Variants in APPBP2 observed in about 807,000 individuals in gnomAD.
APPBP2 encodes amyloid protein-binding protein 2.
A neutral mutation model predicts 76.0 loss-of-function variants in APPBP2; 15 were observed. That is an observed-to-expected ratio of 0.20 (90% CI 0.13 to 0.30). The LOEUF is 0.30. Among genes scored for constraint, APPBP2 ranks in the 10% least tolerant of loss-of-function variants. The pLI, the probability that APPBP2 is intolerant of heterozygous loss-of-function variation, is 1.00. For missense variants in APPBP2, 401 were observed against 687.2 expected (o/e 0.58, Z 4.66); for synonymous variants, 222 against 242.2 (o/e 0.92, Z 0.77).
chr17:60,509,169 CAGG>C (rs2090891923), intron 1 of APPBP2, among the ~76,000 whole-genome samples: 1 of 151,434 alleles, frequency 6.6e-6, no homozygotes, highest in African/African-American at 2.4e-5. Context: ...ATCACAAGGT[CAGG>C]AGTTCAAGAC....
intron 3 of APPBP2, among the ~76,000 whole-genome samples, chr17:60,494,144 A>G (rs952892862): frequency 6.6e-6 from 1 of 152,202 alleles, no homozygotes; most frequent in African/African-American, 2.4e-5. Context: ...AACACATATT[A>G]TGGAATCACA....
chr17:60,447,928 C>A, intron 12 of APPBP2, 94 bp from the exon 13 acceptor site: 1 of 1,222,056 alleles, frequency 8.2e-7, no homozygotes, highest in Non-Finnish European at 1.1e-6. Flanking sequence ...ATTCTTTAAA[C>A]AGGGTGGCTT....
intron 2 of APPBP2, among the ~76,000 whole-genome samples, chr17:60,499,156 C>T (rs1410459813): frequency 6.6e-6 from 1 of 151,410 alleles, no homozygotes; most frequent in Non-Finnish European, 1.5e-5. Flanking sequence ...CACAGCGAGA[C>T]CTCATCTCTA....
chr17:60,452,719 G>A (rs57878118), intron 11 of APPBP2, among the ~76,000 whole-genome samples: 1 of 152,106 alleles, frequency 6.6e-6, no homozygotes, highest in Non-Finnish European at 1.5e-5. Flanking sequence ...CCAGGAGTTC[G>A]AGATCAGCCT....
At chr17:60,475,930 T>C (rs1479499797) in intron 4 of APPBP2, among the ~76,000 whole-genome samples, 1 of 152,164 alleles carries the variant, frequency 6.6e-6, no homozygotes, top group East Asian at 1.9e-4. Flanking sequence ...CATGGACTGA[T>C]TAGCTCCAAA....
chr17:60,477,667 C>T (rs1325394641), intron 4 of APPBP2, among the ~76,000 whole-genome samples: 3 of 151,976 alleles, frequency 2.0e-5, no homozygotes, highest in African/African-American at 7.2e-5. Flanking sequence ...GAAATTATCA[C>T]CTTCTAAAAT....
chr17:60,491,633 T>G (rs2090730077), intron 3 of APPBP2, among the ~76,000 whole-genome samples: 2 of 151,898 alleles, frequency 1.3e-5, no homozygotes, highest in African/African-American at 4.8e-5. Flanking sequence ...TTAGTAGAGA[T>G]ACGGTTTCAC....
intron 5 of APPBP2, among the ~76,000 whole-genome samples, chr17:60,465,673 G>T (rs1216926909): frequency 2.6e-5 from 4 of 152,178 alleles, no homozygotes; most frequent in Non-Finnish European, 5.9e-5. Context: ...TTTGAGTCCA[G>T]CGTGGGTGAC....
chr17:60,512,569 G>A (rs1024018218), intron 1 of APPBP2, among the ~76,000 whole-genome samples: 1 of 151,658 alleles, frequency 6.6e-6, no homozygotes, highest in African/African-American at 2.4e-5. Flanking sequence ...GGGTGCGGTG[G>A]CTCACACCTG....
intron 1 of APPBP2, among the ~76,000 whole-genome samples, chr17:60,508,044 C>G (rs2090882951): frequency 6.6e-6 from 1 of 151,782 alleles, no homozygotes; most frequent in Non-Finnish European, 1.5e-5. Flanking sequence ...GAAATCCCAG[C>G]TCACTGCAGC....
intron 3 of APPBP2, among the ~76,000 whole-genome samples, chr17:60,488,284 G>A (rs191185150): frequency 1.1e-4 from 16 of 152,318 alleles, no homozygotes; most frequent in Admixed American, 8.5e-4. Flanking sequence ...GTCTGCAGAA[G>A]TTTCTGCTGC....
At chr17:60,474,629 C>A (rs1206690816) in intron 4 of APPBP2, among the ~76,000 whole-genome samples, 1 of 152,076 alleles carries the variant, frequency 6.6e-6, no homozygotes, top group Non-Finnish European at 1.5e-5. Flanking sequence ...ATGTTTGGGA[C>A]CAATCATGTT....
intron 2 of APPBP2, 44 bp downstream of exon 2, chr17:60,500,355 T>A: frequency 7.4e-7 from 1 of 1,345,524 alleles, no homozygotes; most frequent in South Asian, 1.3e-5. Flanking sequence ...AAATGGTAAA[T>A]TTTATGTTAT....
chr17:60,518,695 G>T (rs1454736226), intron 1 of APPBP2, among the ~76,000 whole-genome samples: 1 of 151,952 alleles, frequency 6.6e-6, no homozygotes, highest in Non-Finnish European at 1.5e-5. Flanking sequence ...GTAGAGACAG[G>T]GTCTCCCTAT....
chr17:60,487,823 C>G (rs1598360985), intron 3 of APPBP2, among the ~76,000 whole-genome samples: 1 of 152,316 alleles, frequency 6.6e-6, no homozygotes, highest in East Asian at 1.9e-4. Context: ...TTCTCCCCAT[C>G]TTTGTGGTTT....
chr17:60,447,614 C>A lies in APPBP2; in HGVS notation c.1725G>T (p.Leu575=). 6.2e-7 allele frequency: 1 copy of A among 1,613,508 alleles called. No individual in the cohort carries two copies. Among genetic ancestry groups the A allele is most frequent in the Non-Finnish European group, 8.5e-7 (1 of 1,179,740 alleles). Residue 575 remains leucine (L), a synonymous_variant, in exon 13 of 13, where the codon CTG becomes CTT. Coordinates refer to ENST00000083182, the MANE Select transcript of APPBP2 (RefSeq NM_006380.5). ...TCGGTCCCTCGACATTCTGAGAAAT[C>A]AGGAAGGACTGCACCACTTCTTCAG... ...QSTEEVVQSF[L]ISQNVEGPSC
At chr17:60,474,462 A>ACC (rs2090575241) in intron 4 of APPBP2, among the ~76,000 whole-genome samples, 1 of 152,020 alleles carries the variant, frequency 6.6e-6, no homozygotes, top group Admixed American at 6.6e-5. Context: ...GTGTTGAGCC[A>ACC]CCCCGCCCAG....
intron 4 of APPBP2, among the ~76,000 whole-genome samples, chr17:60,475,669 A>G (rs1410772907): frequency 6.6e-6 from 1 of 151,124 alleles, no homozygotes; most frequent in African/African-American, 2.4e-5. Flanking sequence ...ACACACACAC[A>G]CACACACACA....
chr17:60,456,709 C>T (rs1321702702), intron 9 of APPBP2, among the ~76,000 whole-genome samples: 1 of 152,156 alleles, frequency 6.6e-6, no homozygotes, highest in Non-Finnish European at 1.5e-5. Flanking sequence ...GCCACACAGG[C>T]CTAGCAGTTT....
Sources: allele counts gnomAD v4.1 joint callset (sites outside exome capture counted in the v4.1 genomes callset), GRCh38; gene constraint gnomAD v4.1.1; transcripts MANE v1.5; gene names NCBI Gene and HGNC (gene_info 2026-07-23, HGNC 2026-07-21).